The following FRAS1 variants were observed in gnomAD, a reference collection of about 807,000 sequenced individuals.
The protein encoded by FRAS1 is extracellular matrix organizing protein FRAS1.
Under a neutral mutation model 435.2 loss-of-function variants are expected in FRAS1, and 290 were observed. That is an observed-to-expected ratio of 0.67 (90% CI 0.61 to 0.73). The LOEUF is 0.73. FRAS1 is among the 30% of genes least tolerant of loss of function. The pLI is 0.00. For missense variants in FRAS1, 4,860 were observed against 5,001.5 expected (o/e 0.97, Z 0.85); for synonymous variants, 1,800 against 1,851.0 (o/e 0.97, Z 0.71).
intron 2 of FRAS1, among the ~76,000 whole-genome samples, chr4:78,183,782 A>G (rs1350220900): frequency 8.5e-6 from 1 of 118,262 alleles, no homozygotes; most frequent in Non-Finnish European, 2.0e-5. Context: ...GTGTTTAAAT[A>G]TATTATAGCC....
At chr4:78,364,128 G>A in intron 22 of FRAS1, 74 bp downstream of exon 22, 5 of 1,457,918 alleles carry the variant, frequency 3.4e-6, no homozygotes, top group African/African-American at 1.4e-5. Flanking sequence ...AGAAATGCGA[G>A]GTTCTTACTT....
chr4:78,083,738 G>T (rs1287093298), intron 2 of FRAS1, among the ~76,000 whole-genome samples: 1 of 145,184 alleles, frequency 6.9e-6, no homozygotes, highest in Non-Finnish European at 1.5e-5. Context: ...GTCAGGTGTT[G>T]TCAGTTTGAG....
rs1249188732 is a variant in FRAS1 at position 78,448,096 on chromosome 4, T to G, written c.6054T>G (p.Asn2018Lys). 2 of 1,613,142 alleles carry G rather than the reference T, an allele frequency of 1.2e-6. No individual in the cohort carries two copies. Among genetic ancestry groups the G allele is most frequent in the Admixed American group, 1.7e-5 (1 of 59,906 alleles). ...WRQTASEPLENGRVLVQGSTF... is the reference protein window; with the variant it reads ...WRQTASEPLEKGRVLVQGSTF... ...AAACTGCTTCTGAGCCTCTGGAGAA[T>G]GGGAGAGTTTTAGTCCAGGGCTCAA... The change falls in exon 44 of 74, where the codon AAT becomes AAG. Residue 2018 changes from asparagine to lysine, a missense_variant. Physicochemically the swap from Asn to Lys is moderately conservative, Grantham distance 94. Transcript: ENST00000512123.
intron 3 of FRAS1, among the ~76,000 whole-genome samples, chr4:78,243,376 G>A (rs1010909795): frequency 4.6e-5 from 7 of 152,074 alleles, no homozygotes; most frequent in East Asian, 1.9e-4. Flanking sequence ...TGCCCCCAGC[G>A]ATCTTCACTG....
At chr4:78,301,670 G>A (rs1339836840) in intron 14 of FRAS1, among the ~76,000 whole-genome samples, 4 of 152,102 alleles carry the variant, frequency 2.6e-5, no homozygotes, top group Non-Finnish European at 4.4e-5. Context: ...ACTCTGTGGT[G>A]TGTGTACAAA....
rs1422934449 is a variant in FRAS1, at chr4:78,284,437, C to T, written c.1288C>T (p.Gln430Ter). The change falls in exon 13 of 74, where the codon CAG becomes TAG. Residue 430 changes from glutamine (Q) to a stop codon, truncating the protein, a stop_gained. Transcript: ENST00000512123. LOFTEE classifies it high-confidence loss of function. ...HCHPDCLTCS[Q>*]SPDHCDLCQD... ...CCATCCAGATTGTTTGACATGCTCT[C>T]AGTCTCCAGACCACTGTGACCTCTG... 18 of 1,613,836 alleles carry T rather than the reference C, an allele frequency of 1.1e-5. No individual in the cohort carries two copies. The highest frequency in any genetic ancestry group is 1.5e-5 in the Non-Finnish European group (18 of 1,179,840).
At chr4:78,330,611 G>A (rs1729908897) in intron 18 of FRAS1, among the ~76,000 whole-genome samples, 1 of 152,190 alleles carries the variant, frequency 6.6e-6, no homozygotes, top group African/African-American at 2.4e-5. Flanking sequence ...GCCCCCCTGG[G>A]CGTGTGCATC....
intron 9 of FRAS1, among the ~76,000 whole-genome samples, chr4:78,274,299 TG>T (rs1404045671): frequency 2.0e-5 from 3 of 151,972 alleles, no homozygotes; most frequent in Non-Finnish European, 2.9e-5. Flanking sequence ...AAGGGTTTTT[TG>T]TGTCTCTATC....
intron 31 of FRAS1, among the ~76,000 whole-genome samples, chr4:78,409,581 C>T (rs908670439): frequency 5.9e-5 from 9 of 152,126 alleles, no homozygotes; most frequent in Non-Finnish European, 8.8e-5. Flanking sequence ...AAACCTGATT[C>T]TTTGAAGATC....
At chr4:78,229,418 G>A (rs1385546160) in intron 2 of FRAS1, among the ~76,000 whole-genome samples, 2 of 151,952 alleles carry the variant, frequency 1.3e-5, no homozygotes, top group African/African-American at 4.8e-5. Flanking sequence ...TGGTTAAGGA[G>A]GCAGAAAAGG....
Position 78,540,660 on chromosome 4 carries a change from G to A in FRAS1, c.11575G>A (p.Asp3859Asn), listed in dbSNP as rs376591687. The A allele has an allele frequency of 1.9e-6, 3 of 1,612,104 alleles. No individual in the cohort carries two copies. The highest frequency in any genetic ancestry group is 1.1e-5 in the South Asian group (1 of 90,816). Residue 3859 changes from aspartate to asparagine, a missense_variant, in exon 74 of 74, where the codon GAT (aspartate) becomes AAT (asparagine). Transcript: ENST00000512123. ...CAACCGAAGGGACCTGGTAGAGCCCGATGGCCAGCTGATCCTTGATGATTC... is the reference window on the plus strand; with the variant it reads ...CAACCGAAGGGACCTGGTAGAGCCCAATGGCCAGCTGATCCTTGATGATTC... ...RRNRRDLVEP[D>N]GQLILDDSLI...
At chr4:78,122,140 C>A (rs1560535100) in intron 2 of FRAS1, among the ~76,000 whole-genome samples, 3 of 152,124 alleles carry the variant, frequency 2.0e-5, no homozygotes, top group African/African-American at 7.2e-5. Context: ...CCCCCATCCC[C>A]CACAGGCCCC....
rs1306082364 is a variant in FRAS1, at chr4:78,482,414, C to T, written c.8631C>T (p.Asp2877=). 2 of 1,613,820 alleles carry T rather than the reference C, an allele frequency of 1.2e-6. No homozygotes were observed. Among genetic ancestry groups the T allele is most frequent in the East Asian group, 2.2e-5 (1 of 44,876 alleles). ...EQYCTLTILD[D]TQYPVIEGLE... ...ATTGCACCTTGACTATCTTGGATGACACTCAGTATCCGGTAATTGAAGGAC... is the reference window on the plus strand; with the variant it reads ...ATTGCACCTTGACTATCTTGGATGATACTCAGTATCCGGTAATTGAAGGAC... The change falls in exon 58 of 74, where the codon GAC becomes GAT. Residue 2877 remains aspartate (D), a synonymous_variant. Transcript: ENST00000512123.
chr4:78,101,747 T>C (rs959187794), intron 2 of FRAS1, among the ~76,000 whole-genome samples: 6 of 152,192 alleles, frequency 3.9e-5, no homozygotes, highest in Admixed American at 1.3e-4. Flanking sequence ...TGTAGAAATA[T>C]GTATAAGATG....
At chr4:78,269,335 A>G (rs181949203) in intron 9 of FRAS1, among the ~76,000 whole-genome samples, 20 of 152,330 alleles carry the variant, frequency 1.3e-4, no homozygotes, top group Middle Eastern at 6.8e-3. Flanking sequence ...GGAAATGACT[A>G]TGTCTGCCAA....
At chr4:78,145,934 G>C (rs1430978593) in intron 2 of FRAS1, among the ~76,000 whole-genome samples, 1 of 152,008 alleles carries the variant, frequency 6.6e-6, no homozygotes, top group Non-Finnish European at 1.5e-5. Flanking sequence ...TCTCTTTCCC[G>C]CCGCCCTGAG....
chr4:78,382,801 A>G (rs766900256), intron 27 of FRAS1, among the ~76,000 whole-genome samples: 54 of 152,232 alleles, frequency 3.5e-4, no homozygotes, highest in South Asian at 4.1e-4. Context: ...AAGTCTTTTT[A>G]TAGTTGCTCC....
At position 78,407,845 on chromosome 4, in the gene FRAS1, C is replaced by G; in HGVS notation, c.4308+4C>G. 6.3e-7 allele frequency: 1 copy of G among 1,583,792 alleles called. No individual in the cohort carries two copies. Among genetic ancestry groups the G allele is most frequent in the Non-Finnish European group, 8.6e-7 (1 of 1,163,758 alleles). On this transcript the variant is annotated splice_donor_region_variant and intron_variant, in intron 31 of 73. Transcript: ENST00000512123. The stretch of plus-strand genomic sequence containing the variant: ...GAGCGACTCCTTCCGCTTCGAGGTA[C>G]CCTCTGCTTCCTGACTTTTCTGAAG...
chr4:78,065,835 G>A (rs770284222), intron 1 of FRAS1, 150 bp from the exon 2 acceptor site: 6 of 666,092 alleles, frequency 9.0e-6, no homozygotes, highest in Non-Finnish European at 1.6e-5. Context: ...TTCCCCAGGG[G>A]AAGAATGCTG....
Sources: gnomAD v4.1 joint callset for allele counts (sites outside exome capture counted in the v4.1 genomes callset) on GRCh38, gnomAD v4.1.1 for gene constraint, MANE v1.5 for transcripts, NCBI Gene and HGNC (gene_info 2026-07-23, HGNC 2026-07-21) for gene names.